The following MACROH2A1 variants were observed in gnomAD, a reference collection of about 807,000 sequenced individuals.
MACROH2A1 encodes the protein macroH2A.1 histone.
A neutral mutation model predicts 31.6 loss-of-function variants in MACROH2A1; 2 were observed. That is an observed-to-expected ratio of 0.06 (90% CI 0.03 to 0.20). The LOEUF is 0.20. Among genes scored for constraint, MACROH2A1 ranks in the 10% least tolerant of loss-of-function variants. MACROH2A1 has a pLI of 1.00. For synonymous variants in MACROH2A1, 169 were observed against 189.6 expected, an observed-to-expected ratio of 0.89 and a Z score of 0.89; for missense variants, 230 against 474.0, an observed-to-expected ratio of 0.49 and a Z score of 4.78.
At chr5:135,352,343 T>A (rs1284638931) in intron 6 of MACROH2A1, among the ~76,000 whole-genome samples, 5 of 152,246 alleles carry the variant, frequency 3.3e-5, no homozygotes. Flanking sequence ...ACCATGGCTC[T>A]GGGGCAGTTT....
rs539079644 is a variant in MACROH2A1, at chr5:135,349,652, C to T, written c.688+3294G>A. 3.5e-4 allele frequency among the ~76,000 whole-genome samples: 54 copies of T among 152,278 alleles called. 1 individual carries two copies. The highest frequency in any genetic ancestry group is 1.3e-3 in the African/African-American group (54 of 41,556). Reference sequence around the variant, plus strand: ...CCAGGACGCTTGTGAAAATCCTGATCTCCTCATCCTTCCAGATGACTTCAC... The same window carrying T: ...CCAGGACGCTTGTGAAAATCCTGATTTCCTCATCCTTCCAGATGACTTCAC... On this transcript the variant is annotated intron_variant, in intron 6 of 8. Transcript: ENST00000511689.
intron 4 of MACROH2A1, among the ~76,000 whole-genome samples, chr5:135,365,292 G>A (rs550757304): frequency 6.6e-6 from 1 of 152,130 alleles, no homozygotes; most frequent in African/African-American, 2.4e-5. Flanking sequence ...GTTCTCTTAA[G>A]AGGGGCCAGG....
intron 4 of MACROH2A1, among the ~76,000 whole-genome samples, chr5:135,364,988 G>A (rs969654626): frequency 2.6e-5 from 4 of 152,054 alleles, no homozygotes; most frequent in Non-Finnish European, 5.9e-5. Context: ...GATAGGGTGA[G>A]GTTTGTTGAT....
intron 6 of MACROH2A1, among the ~76,000 whole-genome samples, chr5:135,348,148 G>T (rs1761082339): frequency 6.6e-6 from 1 of 152,114 alleles, no homozygotes; most frequent in Non-Finnish European, 1.5e-5. Context: ...ACCCAGTCAG[G>T]ACTTGACTCC....
At chr5:135,357,740 T>C (rs1194596353) in intron 5 of MACROH2A1, 7 of 985,142 alleles carry the variant, frequency 7.1e-6, no homozygotes, top group Non-Finnish European at 8.4e-6. Flanking sequence ...ACAGCACTGA[T>C]TTCTTTTTTA....
Position 135,389,084 on chromosome 5 carries a change from G to A in MACROH2A1, c.10C>T (p.Arg4Cys). ...TTGGTGGACTTCTTCTTCCCACCGC[G>A]GCTCGACATGGCGGTGGCCCTGGAG... MSSRGGKKKSTKTS... is the reference protein window; with the variant it reads MSSCGGKKKSTKTS... Residue 4 changes from arginine (R) to cysteine (C), a missense_variant, in exon 2 of 9, where the codon CGC becomes TGC. By Grantham distance (180) the Arg-to-Cys change is radical. Transcript: ENST00000511689. The A allele has an allele frequency of 3.1e-6, 5 of 1,612,996 alleles. No homozygotes were observed. The highest frequency in any genetic ancestry group is 1.3e-5 in the African/African-American group (1 of 75,054).
chr5:135,366,669 A>C (rs992252215), intron 4 of MACROH2A1, among the ~76,000 whole-genome samples: 1 of 152,178 alleles, frequency 6.6e-6, no homozygotes, highest in Admixed American at 6.5e-5. Flanking sequence ...AAGGAGACAT[A>C]AAAACTCACT....
intron 6 of MACROH2A1, 59 bp downstream of exon 6, chr5:135,352,887 T>A: frequency 1.1e-6 from 1 of 928,424 alleles, no homozygotes; most frequent in Non-Finnish European, 1.8e-6. Flanking sequence ...ATGCCTAAAT[T>A]CTGGGTTCCA....
intron 8 of MACROH2A1, among the ~76,000 whole-genome samples, chr5:135,340,978 G>GA (rs1210607374): frequency 1.3e-5 from 2 of 152,288 alleles, no homozygotes; most frequent in African/African-American, 4.8e-5. Flanking sequence ...TTTACTCCAT[G>GA]AAAAATGTAA....
intron 8 of MACROH2A1, among the ~76,000 whole-genome samples, chr5:135,336,489 T>G (rs1419407017): frequency 6.6e-6 from 1 of 151,752 alleles, no homozygotes; most frequent in Non-Finnish European, 1.5e-5. Context: ...AACCCAGGGT[T>G]CCTTCACACA....
intron 1 of MACROH2A1, among the ~76,000 whole-genome samples, chr5:135,394,780 G>T (rs1767736526): frequency 6.6e-6 from 1 of 152,110 alleles, no homozygotes; most frequent in Admixed American, 6.5e-5. Flanking sequence ...GAACCAATTT[G>T]CTCTACTCAC....
At position 135,377,098 on chromosome 5, in the gene MACROH2A1, C is replaced by A. The variant is rs527394027; in HGVS notation, c.173-6956G>T. ...TGGAACACAGCACCCAGGGCGCCCC[C>A]ACAGGCATCTCTACCTTGGAATGAG... On this transcript the variant is annotated intron_variant, in intron 2 of 8. Coordinates refer to ENST00000511689, the MANE Select transcript of MACROH2A1 (RefSeq NM_138610.3). 3.3e-5 allele frequency among the ~76,000 whole-genome samples: 5 copies of A among 152,346 alleles called. No homozygotes were observed. In the South Asian group the frequency reaches 1.0e-3, roughly 32 times the overall value.
rs3836767 is a variant in MACROH2A1, at chr5:135,336,516, A to AGCCACAGAGCATG, written c.954-1376_954-1375insCATGCTCTGTGGC. ...CTTCACACACAGGCGGCAGCTCCTCAGCCACAGAGCAGCCAGCGCATACAA... is the reference window on the plus strand; with the variant it reads ...CTTCACACACAGGCGGCAGCTCCTCAGCCACAGAGCATGGCCACAGAGCAGCCAGCGCATACAA... On this transcript the variant is annotated intron_variant, in intron 8 of 8. Transcript: ENST00000511689. Among the ~76,000 whole-genome samples the AGCCACAGAGCATG allele has an allele frequency of 1.8e-3, 273 of 151,928 alleles. 2 individuals carry two copies. Among genetic ancestry groups the AGCCACAGAGCATG allele is most frequent in the African/African-American group, 6.0e-3 (247 of 41,392 alleles).
intron 2 of MACROH2A1, among the ~76,000 whole-genome samples, chr5:135,374,087 G>C (rs1764538342): frequency 6.6e-6 from 1 of 152,148 alleles, no homozygotes; most frequent in South Asian, 2.1e-4. Flanking sequence ...GGAAAATGGA[G>C]GGTGCCCGAC....
chr5:135,370,235 G>A, intron 2 of MACROH2A1, 93 bp from the exon 3 acceptor site: 2 of 742,152 alleles, frequency 2.7e-6, no homozygotes. Context: ...ATGGGCAGAG[G>A]CAGCTGCTTC....
intron 4 of MACROH2A1, among the ~76,000 whole-genome samples, chr5:135,367,603 C>T (rs1763669442): frequency 6.6e-6 from 1 of 152,148 alleles, no homozygotes; most frequent in African/African-American, 2.4e-5. Context: ...AGATTCAGCC[C>T]AGGTTTGCCA....
intron 8 of MACROH2A1, among the ~76,000 whole-genome samples, chr5:135,336,944 G>T (rs1758828327): frequency 1.3e-5 from 2 of 152,256 alleles, no homozygotes; most frequent in Non-Finnish European, 2.9e-5. Flanking sequence ...CCTCGGTCCT[G>T]TTGCAGCCTG....
chr5:135,392,988 G>A (rs1372899408), intron 1 of MACROH2A1, among the ~76,000 whole-genome samples: 1 of 152,166 alleles, frequency 6.6e-6, no homozygotes, highest in Non-Finnish European at 1.5e-5. Context: ...ATGTGAATAA[G>A]ATGAAAAAAG....
chr5:135,381,180 A>G (rs1451219977), intron 2 of MACROH2A1, among the ~76,000 whole-genome samples: 1 of 152,244 alleles, frequency 6.6e-6, no homozygotes, highest in Non-Finnish European at 1.5e-5. Context: ...GTGAAATAAA[A>G]TTAACTTGAT....
Sources: allele counts gnomAD v4.1 joint callset (sites outside exome capture counted in the v4.1 genomes callset), GRCh38; gene constraint gnomAD v4.1.1; transcripts MANE v1.5; gene names NCBI Gene and HGNC (gene_info 2026-07-23, HGNC 2026-07-21).